GLIPR1L2: variants seen among roughly 807,000 people sequenced by gnomAD.
GLIPR1L2 encodes GLIPR1-like protein 2.
In GLIPR1L2, 21 loss-of-function variants were observed where a neutral mutation model predicts 28.4. That is an observed-to-expected ratio of 0.74 (90% confidence interval 0.52 to 1.06). GLIPR1L2 has a LOEUF of 1.06. GLIPR1L2 is among the 50% of genes least tolerant of loss of function. GLIPR1L2 has a pLI of 0.00. For missense variants in GLIPR1L2, 476 were observed against 416.9 expected, an observed-to-expected ratio of 1.14 and a Z score of -1.23; for synonymous variants, 145 against 139.3, an observed-to-expected ratio of 1.04 and a Z score of -0.29.
chr12:75,427,715 A>G (rs1035256479), intron 4 of GLIPR1L2, among the ~76,000 whole-genome samples: 1 of 152,122 alleles, frequency 6.6e-6, no homozygotes, highest in Non-Finnish European at 1.5e-5. Flanking sequence ...GGTGGGAGGT[A>G]ATTAGATCAG....
intron 4 of GLIPR1L2, among the ~76,000 whole-genome samples, chr12:75,425,115 G>A (rs150295621): frequency 2.2e-4 from 34 of 152,170 alleles, no homozygotes; most frequent in Admixed American, 2.0e-4. Flanking sequence ...ATGAGGTTTG[G>A]GGTATCAGAG....
At chr12:75,414,828 C>A (rs2045908296) in intron 3 of GLIPR1L2, among the ~76,000 whole-genome samples, 1 of 152,132 alleles carries the variant, frequency 6.6e-6, no homozygotes, top group East Asian at 1.9e-4. Context: ...TATGTACAGG[C>A]TCTGTTTTTT....
intron 1 of GLIPR1L2, among the ~76,000 whole-genome samples, chr12:75,398,654 T>G (rs1456547796): frequency 6.6e-6 from 1 of 152,210 alleles, no homozygotes; most frequent in Admixed American, 6.5e-5. Context: ...TCCTCTCATG[T>G]ACCAGATAAT....
intron 1 of GLIPR1L2, among the ~76,000 whole-genome samples, chr12:75,404,283 A>G (rs2045773603): frequency 6.6e-6 from 1 of 152,126 alleles, no homozygotes; most frequent in Admixed American, 6.6e-5. Context: ...AATTTAATTT[A>G]TAAAATCTCT....
At position 75,391,119 on chromosome 12, in the gene GLIPR1L2, G is replaced by GT. The variant is rs2045575246; in HGVS notation, c.3_4insT (p.Glu2Ter). On this transcript the variant is annotated frameshift_variant, in exon 1 of 6. Transcript: ENST00000550916. LOFTEE classifies it high-confidence loss of function. ...GGCCTGTCAGCGGCCGGTGGACCAT[G>GT]GAGGCCGCAAGGCCCTTCGCCCGGG... The GT allele has an allele frequency of 1.2e-6, 2 of 1,611,262 alleles. No individual in the cohort carries two copies. Among genetic ancestry groups the GT allele is most frequent in the Non-Finnish European group, 1.7e-6 (2 of 1,178,278 alleles).
chr12:75,406,773 AAGAG>A lies in GLIPR1L2; in HGVS notation c.235-3649_235-3646del, dbSNP rs772979370. 5.1e-3 allele frequency among the ~76,000 whole-genome samples: 745 copies of A among 145,128 alleles called. 9 individuals carry two copies. Among genetic ancestry groups the A allele is most frequent in the African/African-American group, 0.018 (698 of 39,214 alleles). On this transcript the variant is annotated intron_variant, in intron 1 of 5. Transcript: ENST00000550916. Reference sequence around the variant, plus strand: ...TCCCTATCTCAAAAAAAAAAAAAAAAAGAGAGAGAGAGAGAAAGAGAGAGAGAGA... The same window carrying A: ...TCCCTATCTCAAAAAAAAAAAAAAAAAGAGAGAGAGAAAGAGAGAGAGAGA...
At chr12:75,408,913 C>T (rs373968673) in intron 1 of GLIPR1L2, among the ~76,000 whole-genome samples, 5 of 151,766 alleles carry the variant, frequency 3.3e-5, no homozygotes, top group African/African-American at 1.2e-4. Flanking sequence ...ATAGTGGTTA[C>T]CTTAGGGGAA....
chr12:75,393,265 A>G (rs968667029), intron 1 of GLIPR1L2, among the ~76,000 whole-genome samples: 1 of 152,070 alleles, frequency 6.6e-6, no homozygotes, highest in Non-Finnish European at 1.5e-5. Flanking sequence ...TACCATTTTA[A>G]CCATTTTTAA....
chr12:75,398,069 G>A (rs1218368326), intron 1 of GLIPR1L2, among the ~76,000 whole-genome samples: 1 of 149,950 alleles, frequency 6.7e-6, no homozygotes, highest in Admixed American at 6.7e-5. Context: ...GGTGGCTCAC[G>A]CCTGTAATCC....
chr12:75,426,811 A>G (rs138433216), intron 4 of GLIPR1L2, among the ~76,000 whole-genome samples: 171 of 152,350 alleles, frequency 1.1e-3, no homozygotes, highest in Middle Eastern at 3.4e-3. Context: ...AAGAATTTAT[A>G]TACAGCAAAA....
intron 4 of GLIPR1L2, 176 bp downstream of exon 4, chr12:75,423,165 A>T: frequency 6.8e-7 from 1 of 1,468,732 alleles, no homozygotes; most frequent in Non-Finnish European, 8.9e-7. Context: ...TCTAAACTGC[A>T]GAGCTTTTTC....
In GLIPR1L2 at chr12:75,391,201, T is replaced by A; in HGVS notation, c.85T>A (p.Cys29Ser). The A allele has an allele frequency of 6.2e-7, 1 of 1,614,236 alleles. No homozygotes were observed. The highest frequency in any genetic ancestry group is 1.1e-5 in the South Asian group (1 of 91,086). ...AGGGGGCGTTTTGAAGCTGCGGCTC[T>A]GTGAGCTGTGGCTACTGCTACTGGG... ...AVGGVLKLRL[C>S]ELWLLLLGSS... The change falls in exon 1 of 6, where the codon TGT (cysteine) becomes AGT (serine). Residue 29 changes from cysteine to serine, a missense_variant. Transcript: ENST00000550916.
At chr12:75,423,071 G>A (rs766601101) in intron 4 of GLIPR1L2, 82 bp downstream of exon 4, 4 of 1,600,674 alleles carry the variant, frequency 2.5e-6, no homozygotes, top group African/African-American at 1.4e-5. Context: ...AGTTTTTTAT[G>A]GTCATGTTAA....
chr12:75,401,382 G>GAA (rs548271223), intron 1 of GLIPR1L2, among the ~76,000 whole-genome samples: 11 of 148,836 alleles, frequency 7.4e-5, no homozygotes, highest in Non-Finnish European at 1.5e-4. Context: ...CTATGTATTG[G>GAA]AAAAAAAAAG....
chr12:75,401,844 A>G (rs896856982), intron 1 of GLIPR1L2, among the ~76,000 whole-genome samples: 1 of 152,056 alleles, frequency 6.6e-6, no homozygotes, highest in East Asian at 1.9e-4. Context: ...AGGAAAAGGC[A>G]ATTAGCTGTA....
chr12:75,406,003 T>G (rs2045795144), intron 1 of GLIPR1L2, among the ~76,000 whole-genome samples: 1 of 151,952 alleles, frequency 6.6e-6, no homozygotes, highest in Non-Finnish European at 1.5e-5. Flanking sequence ...AAAGTTTTTT[T>G]TTTTTTTGCT....
At chr12:75,420,661 A>G (rs921430479) in intron 3 of GLIPR1L2, among the ~76,000 whole-genome samples, 3 of 152,220 alleles carry the variant, frequency 2.0e-5, no homozygotes, top group Admixed American at 6.5e-5. Flanking sequence ...TGCTGCTTAT[A>G]GATAGTTACC....
At chr12:75,401,820 C>T (rs550337563) in intron 1 of GLIPR1L2, among the ~76,000 whole-genome samples, 20 of 151,964 alleles carry the variant, frequency 1.3e-4, no homozygotes, top group African/African-American at 4.8e-4. Context: ...TATCAAAACA[C>T]ATGACATAAA....
At chr12:75,407,329 G>T (rs1297621333) in intron 1 of GLIPR1L2, among the ~76,000 whole-genome samples, 13 of 151,876 alleles carry the variant, frequency 8.6e-5, no homozygotes, top group Admixed American at 8.5e-4. Context: ...ATATCCTTCA[G>T]CTTATTCATT....
Sources: allele counts gnomAD v4.1 joint callset (sites outside exome capture counted in the v4.1 genomes callset), GRCh38; gene constraint gnomAD v4.1.1; transcripts MANE v1.5; gene names NCBI Gene and HGNC (gene_info 2026-07-23, HGNC 2026-07-21).